The following ARHGEF6 variants were observed in gnomAD, a reference collection of about 807,000 sequenced individuals.
ARHGEF6 encodes rho guanine nucleotide exchange factor 6.
In ARHGEF6, 9 loss-of-function variants were observed where a neutral mutation model predicts 70.3. That is an observed-to-expected ratio of 0.13 (90% confidence interval 0.08 to 0.22). ARHGEF6 has a LOEUF of 0.22. ARHGEF6 is among the 10% of genes least tolerant of loss of function. ARHGEF6 has a pLI of 1.00. For synonymous variants in ARHGEF6, 201 were observed against 207.8 expected (o/e 0.97, Z 0.28); for missense variants, 470 against 563.0 (o/e 0.83, Z 1.67).
At chrX:136,770,158 T>A (rs750313825) in intron 2 of ARHGEF6, among the ~76,000 whole-genome samples, 40 of 112,346 alleles carry the variant, frequency 3.6e-4, no homozygotes, top group African/African-American at 1.2e-3. Context: ...TGAAGAAAGA[T>A]CCTTCAAGAA....
chrX:136,780,199 C>A (rs1440230266), intron 1 of ARHGEF6, among the ~76,000 whole-genome samples: 1 of 111,947 alleles, frequency 8.9e-6, no homozygotes, highest in African/African-American at 3.3e-5. Flanking sequence ...AAACATATAT[C>A]TGGTTTCTAT....
rs1569393773 is a variant in ARHGEF6, at chrX:136,686,615, TATATATACACATATATATATATATATAC to T, written c.1246-820_1246-793del. 4.4e-3 allele frequency among the ~76,000 whole-genome samples: 340 copies of T among 77,464 alleles called. 5 individuals are homozygous for T. Among genetic ancestry groups the T allele is most frequent in the African/African-American group, 0.02 (320 of 16,037 alleles). The allele number at this position is 77,464 out of a possible 115,157, so 67.3% of individuals were successfully genotyped here. A position where few individuals can be genotyped will look rare whatever the true frequency, so the allele number is the denominator to read the frequency against. On this transcript the variant is annotated intron_variant, in intron 11 of 21. Transcript: ENST00000250617. ...GTGTGTATATATATATATATATATATATATATACACATATATATATATATATACACACATATATATATACACATGTGTA... is the reference window on the plus strand; with the variant it reads ...GTGTGTATATATATATATATATATATACACATATATATATACACATGTGTA...
At chrX:136,757,662 T>G (rs2077221498) in intron 2 of ARHGEF6, among the ~76,000 whole-genome samples, 2 of 111,993 alleles carry the variant, frequency 1.8e-5, no homozygotes, top group African/African-American at 6.5e-5. Context: ...CACAACAGGC[T>G]TCCCTATTTC....
At chrX:136,706,167 AG>A (rs2076624923) in intron 9 of ARHGEF6, among the ~76,000 whole-genome samples, 1 of 111,993 alleles carries the variant, frequency 8.9e-6, no homozygotes, top group African/African-American at 3.2e-5. Context: ...AGGGGTGGGT[AG>A]TCAGAAGCTA....
chrX:136,702,002 C>T (rs1451585721), intron 9 of ARHGEF6, among the ~76,000 whole-genome samples: 6 of 111,419 alleles, frequency 5.4e-5, no homozygotes, highest in African/African-American at 1.3e-4. Context: ...CCACCGCACC[C>T]GGCCTCATTT....
At chrX:136,711,634 C>T (rs956764823) in intron 7 of ARHGEF6, among the ~76,000 whole-genome samples, 14 of 111,646 alleles carry the variant, frequency 1.3e-4, no homozygotes, top group African/African-American at 4.2e-4. Context: ...ATGAACTTGG[C>T]GCACTGCAAC....
At chrX:136,728,019 A>G (rs2076888493) in intron 6 of ARHGEF6, among the ~76,000 whole-genome samples, 1 of 112,353 alleles carries the variant, frequency 8.9e-6, no homozygotes, top group East Asian at 2.8e-4. Flanking sequence ...GCACACAAAT[A>G]AAGCCTGACA....
At chrX:136,774,650 C>CA (rs10712642) in intron 2 of ARHGEF6, among the ~76,000 whole-genome samples, 4,761 of 56,778 alleles carry the variant, frequency 0.084, 386 homozygotes, top group African/African-American at 0.23. Flanking sequence ...AACTCTGTCT[C>CA]AAAAAAAAAA....
rs1483563492 is a variant in ARHGEF6 at position 136,668,524 on chromosome X, C to CTTA, written c.2191-356_2191-355insTAA. Among the ~76,000 whole-genome samples the CTTA allele has an allele frequency of 8.0e-5, 8 of 99,773 alleles. No individual in the cohort carries two copies. In the East Asian group the frequency reaches 1.2e-3, roughly 15 times the overall value. The allele number at this position is 99,773 out of a possible 115,157, so 86.6% of individuals were successfully genotyped here. A position where few individuals can be genotyped will look rare whatever the true frequency, so the allele number is the denominator to read the frequency against. Reference sequence around the variant, plus strand: ...TGTCAGCCTGGTATTTCTTCTTCTTCTTCTTCTTCTTATTATTATTATTAT... The same window carrying CTTA: ...TGTCAGCCTGGTATTTCTTCTTCTTCTTATTCTTCTTCTTATTATTATTATTAT... On this transcript the variant is annotated intron_variant, in intron 21 of 21. Coordinates refer to ENST00000250617, the MANE Select transcript of ARHGEF6 (RefSeq NM_004840.3).
At chrX:136,778,233 T>C (rs758309467) in intron 2 of ARHGEF6, among the ~76,000 whole-genome samples, 1 of 111,937 alleles carries the variant, frequency 8.9e-6, no homozygotes, top group Non-Finnish European at 1.9e-5. Flanking sequence ...CCTAGAGTCA[T>C]AGTTAAGTAA....
intron 6 of ARHGEF6, among the ~76,000 whole-genome samples, chrX:136,722,045 C>T (rs1482189255): frequency 1.8e-5 from 2 of 110,259 alleles, no homozygotes; most frequent in Admixed American, 1.9e-4. Context: ...ACAATTAATA[C>T]ATATAATTTT....
At chrX:136,751,801 C>T (rs1415459156) in intron 2 of ARHGEF6, among the ~76,000 whole-genome samples, 1 of 111,827 alleles carries the variant, frequency 8.9e-6, no homozygotes, top group African/African-American at 3.3e-5. Context: ...AAATACACTT[C>T]CATTGTTTAT....
chrX:136,727,329 CTTTCTTTCTTTCT>C (rs1569410792), intron 6 of ARHGEF6, among the ~76,000 whole-genome samples: 2 of 29,287 alleles, frequency 6.8e-5, no homozygotes, highest in African/African-American at 1.9e-4. Flanking sequence ...CTTTCTTTTT[CTTTCTTTCTTTCT>C]TTCTTTCTTT....
chrX:136,716,763 C>T (rs750777332), intron 6 of ARHGEF6, among the ~76,000 whole-genome samples: 24 of 111,982 alleles, frequency 2.1e-4, no homozygotes, highest in Non-Finnish European at 3.6e-4. Flanking sequence ...GAGAAACAGA[C>T]ATTCTAAGAA....
intron 20 of ARHGEF6, 57 bp downstream of exon 20, chrX:136,671,963 C>T: frequency 1.0e-6 from 1 of 1,004,464 alleles, no homozygotes; most frequent in Non-Finnish European, 1.4e-6. Flanking sequence ...CCCGTCCTAC[C>T]AGACCTTCTT....
chrX:136,682,530 T>C, intron 13 of ARHGEF6, among the ~76,000 whole-genome samples: 1 of 112,221 alleles, frequency 8.9e-6, no homozygotes. Context: ...CAAAACCTAG[T>C]GCATAACTAA....
chrX:136,713,433 G>A, intron 6 of ARHGEF6, 63 bp from the exon 7 acceptor site: 1 of 881,572 alleles, frequency 1.1e-6, no homozygotes, highest in Non-Finnish European at 1.7e-6. Context: ...ATGTAGCTTT[G>A]ATCTTTTAAC....
At chrX:136,670,531 C>T (rs777373014) in intron 20 of ARHGEF6, among the ~76,000 whole-genome samples, 1 of 111,716 alleles carries the variant, frequency 9.0e-6, no homozygotes, top group South Asian at 3.8e-4. Flanking sequence ...ATCCTGCATA[C>T]CTGAGATTTG....
chrX:136,679,687 G>A, intron 15 of ARHGEF6, 27 bp from the exon 16 acceptor site: 1 of 1,210,795 alleles, frequency 8.3e-7, no homozygotes, highest in Non-Finnish European at 1.1e-6. Flanking sequence ...TGAGATGTTG[G>A]CAATCTGCCA....
Sources: gnomAD v4.1 joint callset for allele counts (sites outside exome capture counted in the v4.1 genomes callset) on GRCh38, gnomAD v4.1.1 for gene constraint, MANE v1.5 for transcripts, NCBI Gene and HGNC (gene_info 2026-07-23, HGNC 2026-07-21) for gene names.